The following ERLEC1 variants were observed in gnomAD, a reference collection of about 807,000 sequenced individuals.
The protein encoded by ERLEC1 is ER lectin.
Under a neutral mutation model 68.0 loss-of-function variants are expected in ERLEC1, and 47 were observed. The ratio of observed to expected loss-of-function variants is 0.69; its 90% CI spans 0.55 to 0.88. The LOEUF is 0.88. Ranked by LOEUF, ERLEC1 falls within the 40% of genes least tolerant of loss-of-function variation. The pLI is 0.00. For synonymous variants in ERLEC1, 225 were observed against 203.2 expected, an observed-to-expected ratio of 1.11 and a Z score of -0.91; for missense variants, 567 against 583.8, an observed-to-expected ratio of 0.97 and a Z score of 0.30.
Position 53,818,144 on chromosome 2 carries a change from T to A in ERLEC1, c.*175T>A. ...ATATAAGAGGTTATTGATAAACTTC[T>A]GAGGCAGACATTTGTCTCGCTTTTT... On this transcript the variant is annotated 3_prime_UTR_variant, in exon 14 of 14. Coordinates refer to ENST00000185150, the MANE Select transcript of ERLEC1 (RefSeq NM_015701.5). The A allele has an allele frequency of 2.2e-6, 1 of 458,866 alleles. No individual in the cohort carries two copies. Among genetic ancestry groups the A allele is most frequent in the South Asian group, 4.6e-5 (1 of 21,752 alleles). The allele number at this position is 458,866 out of a possible 1,614,324, so 28.4% of individuals were successfully genotyped here.
intron 8 of ERLEC1, 26 bp from the exon 9 acceptor site, chr2:53,808,273 C>T: frequency 1.2e-6 from 2 of 1,606,694 alleles, no homozygotes; most frequent in Admixed American, 1.7e-5. Flanking sequence ...GCATGGAAAC[C>T]CTTAAACGTG....
At position 53,818,062 on chromosome 2, in the gene ERLEC1, C is replaced by A; in HGVS notation, c.*93C>A. 1.2e-6 allele frequency: 1 copy of A among 817,384 alleles called. No homozygotes were observed. Among genetic ancestry groups the A allele is most frequent in the Non-Finnish European group, 2.1e-6 (1 of 475,512 alleles). 50.6% of individuals were successfully genotyped at this position (817,384 alleles called of 1,614,324 possible). On this transcript the variant is annotated 3_prime_UTR_variant, in exon 14 of 14. Transcript: ENST00000185150. The stretch of plus-strand genomic sequence containing the variant: ...CATTATAGAGTTCTCAGCCATTGGA[C>A]CTCTTCTAAAGGATGGTATAAAATG...
chr2:53,793,196 G>A (rs1291835641), intron 1 of ERLEC1, among the ~76,000 whole-genome samples: 1 of 152,070 alleles, frequency 6.6e-6, no homozygotes, highest in Non-Finnish European at 1.5e-5. Context: ...AGTAAAATGA[G>A]TATCACATTT....
intron 13 of ERLEC1, among the ~76,000 whole-genome samples, chr2:53,816,690 A>G (rs1362570879): frequency 1.3e-5 from 2 of 152,170 alleles, no homozygotes; most frequent in Non-Finnish European, 2.9e-5. Context: ...TTCTACCCCA[A>G]AATCATGAAA....
intron 9 of ERLEC1, 45 bp from the exon 10 acceptor site, chr2:53,809,169 A>T: frequency 7.2e-7 from 1 of 1,393,206 alleles, no homozygotes; most frequent in East Asian, 2.4e-5. Flanking sequence ...TTATTGAGAA[A>T]GGCCCAGTTC....
chr2:53,809,220 G>T lies in ERLEC1; in HGVS notation c.1048G>T (p.Gly350Cys). ...SGSYCFRGGVGWWKYEFCYGK... is the reference protein window; with the variant it reads ...SGSYCFRGGVCWWKYEFCYGK... ...ATGTTTTCTTTTTTTTTAGGGTGTCGGTTGGTGGAAATATGAATTCTGCTA... is the reference window on the plus strand; with the variant it reads ...ATGTTTTCTTTTTTTTTAGGGTGTCTGTTGGTGGAAATATGAATTCTGCTA... Residue 350 changes from glycine to cysteine, a missense_variant, in exon 10 of 14, where the codon GGT becomes TGT. By Grantham distance (159) the Gly-to-Cys change is radical (BLOSUM62 -3). Transcript: ENST00000185150. The T allele has an allele frequency of 6.3e-7, 1 of 1,580,474 alleles. No homozygotes were observed. Among genetic ancestry groups the T allele is most frequent in the Non-Finnish European group, 8.5e-7 (1 of 1,170,268 alleles).
intron 13 of ERLEC1, among the ~76,000 whole-genome samples, chr2:53,815,352 G>GTC (rs1360235332): frequency 2.2e-4 from 33 of 152,098 alleles, no homozygotes; most frequent in African/African-American, 7.7e-4. Context: ...ACCTTCAGTA[G>GTC]TCTCCAAGGC....
intron 8 of ERLEC1, among the ~76,000 whole-genome samples, chr2:53,807,442 G>GT (rs956282194): frequency 6.6e-6 from 1 of 151,262 alleles, no homozygotes; most frequent in African/African-American, 2.4e-5. Context: ...GTCTCACTCT[G>GT]TCACCCAAGC....
In ERLEC1 at chr2:53,801,576, AGTT is replaced by A; in HGVS notation, c.708_710del (p.Val237del). 6.2e-7 allele frequency: 1 copy of A among 1,614,092 alleles called. No individual in the cohort carries two copies. Among genetic ancestry groups the A allele is most frequent in the Non-Finnish European group, 8.5e-7 (1 of 1,179,970 alleles). On this transcript the variant is annotated inframe_deletion, in exon 7 of 14. Transcript: ENST00000185150. ...CTGAAGTTACAACTTGTGAATATGA[AGTT>A]GTCATTTTGACACCACTCTTGTGCA...
In ERLEC1 at chr2:53,818,397, A is replaced by G. The variant is rs1412824247; in HGVS notation, c.*428A>G. 1 of 153,120 alleles carries G rather than the reference A, an allele frequency of 6.5e-6. No homozygotes were observed. The highest frequency in any genetic ancestry group is 2.4e-5 in the African/African-American group (1 of 41,474). 9.5% of individuals were successfully genotyped at this position (153,120 alleles called of 1,614,324 possible). On this transcript the variant is annotated 3_prime_UTR_variant, in exon 14 of 14. Transcript: ENST00000185150. ...AGAAATTGATAGGTGTAAATGAGAG[A>G]CCATGTAAAATATGTAAATTCTAGT...
At chr2:53,793,004 T>C (rs1392011524) in intron 1 of ERLEC1, among the ~76,000 whole-genome samples, 2 of 121,108 alleles carry the variant, frequency 1.7e-5, no homozygotes, top group East Asian at 2.2e-4. Context: ...AGACCCTGTC[T>C]CAAAAAAAAA....
chr2:53,791,739 T>C (rs1469407921), intron 1 of ERLEC1, among the ~76,000 whole-genome samples: 4 of 152,112 alleles, frequency 2.6e-5, no homozygotes, highest in Non-Finnish European at 4.4e-5. Flanking sequence ...TTTTTACATT[T>C]GAAGCATTTT....
At chr2:53,806,953 C>T (rs1464913335) in intron 8 of ERLEC1, among the ~76,000 whole-genome samples, 1 of 152,144 alleles carries the variant, frequency 6.6e-6, no homozygotes, top group Non-Finnish European at 1.5e-5. Context: ...CCCTGTCACT[C>T]CCTTACTTTA....
At chr2:53,808,895 C>G (rs970402503) in intron 9 of ERLEC1, among the ~76,000 whole-genome samples, 1 of 152,198 alleles carries the variant, frequency 6.6e-6, no homozygotes, top group Non-Finnish European at 1.5e-5. Flanking sequence ...TCCCAAAGTG[C>G]TGGGATTACA....
Position 53,814,845 on chromosome 2 carries a change from T to G in ERLEC1, c.1305-15T>G, listed in dbSNP as rs1407445805. 6.3e-7 allele frequency: 1 copy of G among 1,586,516 alleles called. No individual in the cohort carries two copies. Among genetic ancestry groups the G allele is most frequent in the Admixed American group, 1.7e-5 (1 of 59,118 alleles). ...AAATGATTTGGACAGTACCTTAAAG[T>G]GCTCTCTGTTTTAGGTGCAAAGAAT... On this transcript the variant is annotated splice_polypyrimidine_tract_variant and intron_variant, in intron 12 of 13. Transcript: ENST00000185150.
intron 2 of ERLEC1, 101 bp downstream of exon 2, chr2:53,794,550 A>C: frequency 5.1e-6 from 3 of 593,084 alleles, no homozygotes; most frequent in Non-Finnish European, 8.9e-6. Flanking sequence ...CAGATTTCTC[A>C]ATAACGCTCT....
intron 13 of ERLEC1, among the ~76,000 whole-genome samples, chr2:53,816,584 ATGTCTTT>A (rs1389333711): frequency 6.6e-6 from 1 of 151,950 alleles, no homozygotes; most frequent in African/African-American, 2.4e-5. Context: ...TTTCTTATTA[ATGTCTTT>A]TGGTGAATGA....
At chr2:53,805,901 A>G (rs1676271317) in intron 8 of ERLEC1, among the ~76,000 whole-genome samples, 1 of 152,200 alleles carries the variant, frequency 6.6e-6, no homozygotes, top group African/African-American at 2.4e-5. Flanking sequence ...ATGATCAATG[A>G]TGTTGATACT....
At chr2:53,796,244 TG>T (rs1168104571) in intron 3 of ERLEC1, among the ~76,000 whole-genome samples, 7 of 124,146 alleles carry the variant, frequency 5.6e-5, no homozygotes, top group Non-Finnish European at 1.2e-4. Context: ...CCTGATGGGT[TG>T]GTTTTTTTTT....
Sources: allele counts gnomAD v4.1 joint callset (sites outside exome capture counted in the v4.1 genomes callset), GRCh38; gene constraint gnomAD v4.1.1; transcripts MANE v1.5; gene names NCBI Gene and HGNC (gene_info 2026-07-23, HGNC 2026-07-21).